MECOM: variants seen among roughly 807,000 people sequenced by gnomAD.
The protein encoded by MECOM is MDS1 and EVI1 complex locus, also known as histone-lysine N-methyltransferase MECOM.
MECOM carries 13 observed loss-of-function variants against 116.3 expected under a neutral mutation model. The observed-to-expected ratio is 0.11, with a 90% CI of 0.07 to 0.18. The LOEUF is 0.18. MECOM is among the 10% of genes least tolerant of loss of function. MECOM has a pLI of 1.00. For synonymous variants in MECOM, 528 were observed against 535.2 expected, an observed-to-expected ratio of 0.99 and a Z score of 0.19; for missense variants, 1,299 against 1,509.0, an observed-to-expected ratio of 0.86 and a Z score of 2.31.
intron 1 of MECOM, among the ~76,000 whole-genome samples, chr3:169,616,544 T>C (rs1049420323): frequency 6.6e-6 from 1 of 152,178 alleles, no homozygotes; most frequent in Non-Finnish European, 1.5e-5. Flanking sequence ...GATGCCATGT[T>C]GGCGAGGCTA....
In MECOM at chr3:169,101,064, G is replaced by T; in HGVS notation, c.2772-102C>A. On this transcript the variant is annotated intron_variant, in intron 11 of 16. Coordinates refer to ENST00000651503, the MANE Select transcript of MECOM (RefSeq NM_004991.4). ...GCTTATTCCTGATTCAATTAATCTT[G>T]CATGGAACTCACATTTCTTTGGTAT... is the stretch of plus-strand genomic sequence containing the variant. 6.7e-6 allele frequency: 4 copies of T among 599,004 alleles called. No homozygotes were observed. The Admixed American group carries it at 7.8e-5, about 12-fold the overall frequency. 37.1% of individuals were successfully genotyped at this position (599,004 alleles called of 1,614,324 possible).
At chr3:169,382,879 A>AAAAAAAAAAAAAAAAAAAAAAAAAG in intron 1 of MECOM, among the ~76,000 whole-genome samples, 1 of 138,560 alleles carries the variant, frequency 7.2e-6, no homozygotes, top group Non-Finnish European at 1.6e-5. Flanking sequence ...AAAAATAAAA[A>AAAAAAAAAAAAAAAAAAAAAAAAAG]AAGAAGGTAA....
intron 1 of MECOM, among the ~76,000 whole-genome samples, chr3:169,460,737 C>T (rs1417910091): frequency 6.6e-6 from 1 of 152,164 alleles, no homozygotes; most frequent in Non-Finnish European, 1.5e-5. Context: ...AACAAGGCCC[C>T]CATTAGCCCT....
chr3:169,240,150 C>G (rs1271828616), intron 2 of MECOM, among the ~76,000 whole-genome samples: 2 of 152,172 alleles, frequency 1.3e-5, no homozygotes, highest in Admixed American at 1.3e-4. Flanking sequence ...TACCATCTAT[C>G]TCCCCCAAAT....
chr3:169,518,887 T>C (rs956769568), intron 1 of MECOM, among the ~76,000 whole-genome samples: 1 of 152,168 alleles, frequency 6.6e-6, no homozygotes, highest in Non-Finnish European at 1.5e-5. Flanking sequence ...TCTGCTGCCA[T>C]TCATGTAAGA....
chr3:169,278,317 T>C (rs1208783206), intron 2 of MECOM, among the ~76,000 whole-genome samples: 1 of 152,244 alleles, frequency 6.6e-6, no homozygotes, highest in Non-Finnish European at 1.5e-5. Flanking sequence ...TCTGGTGATT[T>C]ATTCAGTCTG....
chr3:169,146,143 TAA>T, intron 2 of MECOM: 3 of 839,074 alleles, frequency 3.6e-6, no homozygotes, highest in Non-Finnish European at 4.5e-6. Flanking sequence ...AAAGATAGCT[TAA>T]AAAAAAACCG....
Position 169,122,572 on chromosome 3 carries a change from C to A in MECOM, c.978+8G>T. ...AGAGAGGCCAAGTAGCCTACAAATTCACTGTACCTTGGCACAGTTTTCACA... is the reference window on the plus strand; with the variant it reads ...AGAGAGGCCAAGTAGCCTACAAATTAACTGTACCTTGGCACAGTTTTCACA... On this transcript the variant is annotated splice_region_variant and intron_variant, in intron 6 of 16. Transcript: ENST00000651503. The A allele has an allele frequency of 6.2e-7, 1 of 1,613,878 alleles. No homozygotes were observed. Among genetic ancestry groups the A allele is most frequent in the Non-Finnish European group, 8.5e-7 (1 of 1,179,810 alleles).
chr3:169,601,743 T>C (rs898604846), intron 1 of MECOM, among the ~76,000 whole-genome samples: 2 of 152,140 alleles, frequency 1.3e-5, no homozygotes, highest in Non-Finnish European at 2.9e-5. Flanking sequence ...AAGAATCACA[T>C]AAACTTTCTA....
At chr3:169,558,735 G>A (rs1468629572) in intron 1 of MECOM, among the ~76,000 whole-genome samples, 2 of 152,072 alleles carry the variant, frequency 1.3e-5, no homozygotes, top group South Asian at 4.1e-4. Context: ...TGATTCAGGA[G>A]TCTAAAATCA....
intron 2 of MECOM, among the ~76,000 whole-genome samples, chr3:169,301,892 G>A (rs1168814538): frequency 1.3e-5 from 2 of 151,992 alleles, no homozygotes; most frequent in Non-Finnish European, 2.9e-5. Context: ...AAATCAATAT[G>A]ATGGGGGCAA....
intron 2 of MECOM, among the ~76,000 whole-genome samples, chr3:169,165,798 T>G (rs952311698): frequency 3.3e-5 from 5 of 152,212 alleles, no homozygotes; most frequent in African/African-American, 4.8e-5. Flanking sequence ...TAAATTAAAT[T>G]ATAACTGCTG....
At chr3:169,580,514 G>A (rs1765009437) in intron 1 of MECOM, among the ~76,000 whole-genome samples, 1 of 152,074 alleles carries the variant, frequency 6.6e-6, no homozygotes, top group African/African-American at 2.4e-5. Context: ...TACCCTCAAA[G>A]TATCCCTGCA....
intron 2 of MECOM, among the ~76,000 whole-genome samples, chr3:169,380,784 A>G (rs913720371): frequency 3.9e-5 from 6 of 152,192 alleles, no homozygotes; most frequent in South Asian, 2.1e-4. Context: ...AATAGAGAAA[A>G]CAAATGTTTT....
intron 2 of MECOM, among the ~76,000 whole-genome samples, chr3:169,184,983 T>C (rs1471164614): frequency 6.6e-6 from 1 of 152,140 alleles, no homozygotes; most frequent in African/African-American, 2.4e-5. Context: ...AAGGTGGGCA[T>C]CTAAATTCCA....
chr3:169,112,330 T>C (rs1314933736), intron 9 of MECOM, among the ~76,000 whole-genome samples: 3 of 152,154 alleles, frequency 2.0e-5, no homozygotes, highest in Non-Finnish European at 4.4e-5. Context: ...CAGTGGTCTC[T>C]AGATAAATTC....
At chr3:169,101,059 A>G in intron 11 of MECOM, 97 bp from the exon 12 acceptor site, 1 of 660,426 alleles carries the variant, frequency 1.5e-6, no homozygotes. Flanking sequence ...GATTCAATTA[A>G]TCTTGCATGG....
chr3:169,415,258 C>T (rs533174595), intron 1 of MECOM, among the ~76,000 whole-genome samples: 3 of 152,220 alleles, frequency 2.0e-5, no homozygotes, highest in African/African-American at 7.2e-5. Flanking sequence ...AATTTTCAAC[C>T]CAGAATTTCA....
Position 169,324,287 on chromosome 3 carries a change from A to G in MECOM, c.375+56900T>C, listed in dbSNP as rs189578568. Among the ~76,000 whole-genome samples, 23 of 152,320 alleles carry G rather than the reference A, an allele frequency of 1.5e-4. No individual in the cohort carries two copies. The South Asian group carries it at 2.3e-3, about 15-fold the overall frequency. The stretch of plus-strand genomic sequence containing the variant: ...AAACCAAGCACACTCTCGTGTAGTG[A>G]CCAAGGTGTGTTCACAGAAACCAAC... On this transcript the variant is annotated intron_variant, in intron 2 of 16. Coordinates refer to ENST00000651503, the MANE Select transcript of MECOM (RefSeq NM_004991.4).
Sources: gnomAD v4.1 joint callset for allele counts (sites outside exome capture counted in the v4.1 genomes callset) on GRCh38, gnomAD v4.1.1 for gene constraint, MANE v1.5 for transcripts, NCBI Gene and HGNC (gene_info 2026-07-23, HGNC 2026-07-21) for gene names.